The following TTC3 variants were observed in gnomAD, a reference collection of about 807,000 sequenced individuals.
TTC3 encodes the protein tetratricopeptide repeat domain 3, also known as E3 ubiquitin-protein ligase TTC3.
In TTC3, 180 loss-of-function variants were observed where a neutral mutation model predicts 249.6. The ratio of observed to expected loss-of-function variants is 0.72; its 90% CI spans 0.64 to 0.82. The LOEUF is 0.82. Ranked by LOEUF, TTC3 falls within the 40% of genes least tolerant of loss-of-function variation. The probability of loss-of-function intolerance (pLI) is 0.00; values close to 1 mark genes in which losing one functional copy is unlikely to be tolerated. For missense variants in TTC3, 2,061 were observed against 2,398.4 expected (o/e 0.86, Z 2.94); for synonymous variants, 717 against 805.0 (o/e 0.89, Z 1.85).
chr21:37,171,496 T>C (rs1157609978), intron 34 of TTC3, among the ~76,000 whole-genome samples: 1 of 152,170 alleles, frequency 6.6e-6, no homozygotes, highest in African/African-American at 2.4e-5. Flanking sequence ...AGAGGTGGCA[T>C]TTAGCTTCCT....
Position 37,165,541 on chromosome 21 carries a change from T to G in TTC3, c.3336-9T>G, listed in dbSNP as rs760257290. ...ATAGTAACTCATGTAAATGTAAATT[T>G]TTTCCAAGTTACTTCTCTCAGTTTT... On this transcript the variant is annotated splice_polypyrimidine_tract_variant and intron_variant, in intron 32 of 45. Coordinates refer to ENST00000355666, the Ensembl canonical transcript of TTC3. The G allele has an allele frequency of 2.5e-6, 4 of 1,572,158 alleles. No individual in the cohort carries two copies. The highest frequency in any genetic ancestry group is 3.4e-6 in the Non-Finnish European group (4 of 1,161,488).
chr21:37,084,128 A>G (rs1182368237), intron 1 of TTC3: 1 of 152,218 alleles, frequency 6.6e-6, no homozygotes, highest in Admixed American at 6.5e-5. Flanking sequence ...GTGTTAAGTC[A>G]TGGGTGTGGT....
Position 37,122,992 on chromosome 21 carries a change from C to G in TTC3, c.1073C>G (p.Ala358Gly), listed in dbSNP as rs747271319. 4 of 1,613,764 alleles carry G rather than the reference C, an allele frequency of 2.5e-6. No homozygotes were observed. In the African/African-American group the frequency reaches 5.3e-5, roughly 22 times the overall value. Reference sequence around the variant, plus strand: ...GTGATGACTTTTATAGGTCGAACAGCAAATAAGGATCCAATTAAAGCCTTT... The same window carrying G: ...GTGATGACTTTTATAGGTCGAACAGGAAATAAGGATCCAATTAAAGCCTTT... Residue 358 changes from alanine to glycine, a missense_variant, in exon 13 of 46, where the codon GCA becomes GGA. Ala to Gly is a moderately conservative substitution (Grantham distance 60). This residue lies in a region of TTC3 where 989 missense variants were observed against 1,145.1 expected (regional missense o/e 0.86). Transcript: ENST00000355666.
At chr21:37,166,256 A>T (rs760820044) in exon 33 of TTC3, 80 of 1,614,092 alleles carry the variant, frequency 5.0e-5, no homozygotes, top group Non-Finnish European at 6.1e-5. Context: ...GTACACCAGC[A>T]TATATACACC....
At chr21:37,119,566 C>T (rs1212100457) in intron 11 of TTC3, among the ~76,000 whole-genome samples, 3 of 152,138 alleles carry the variant, frequency 2.0e-5, no homozygotes. Context: ...TGCCTTGGTC[C>T]TCTGTACTCC....
chr21:37,105,958 G>A (rs151191850), intron 10 of TTC3, among the ~76,000 whole-genome samples: 55 of 152,276 alleles, frequency 3.6e-4, no homozygotes, highest in Non-Finnish European at 2.4e-4. Flanking sequence ...TATAATTAAG[G>A]AGTGGAATTG....
intron 4 of TTC3, among the ~76,000 whole-genome samples, 200 bp downstream of exon 4, chr21:37,088,546 T>TAC (rs2072822937): frequency 6.6e-6 from 1 of 152,230 alleles, no homozygotes; most frequent in Non-Finnish European, 1.5e-5. Context: ...TTCTGAATAG[T>TAC]ACTAGATGGT....
exon 41 of TTC3, chr21:37,192,172 A>G (rs1243833649): frequency 3.1e-6 from 5 of 1,610,782 alleles, no homozygotes; most frequent in Admixed American, 1.7e-5. Flanking sequence ...TGAACTTTCT[A>G]AAGTGCAGAT....
chr21:37,135,662 A>AC, intron 18 of TTC3, 148 bp downstream of exon 18: 2 of 891,224 alleles, frequency 2.2e-6, no homozygotes, highest in African/African-American at 1.7e-5. Context: ...GGAAGCAGGT[A>AC]CTGCTCCAAT....
chr21:37,114,949 G>T (rs548067528), intron 11 of TTC3, among the ~76,000 whole-genome samples: 2 of 151,924 alleles, frequency 1.3e-5, no homozygotes, highest in Non-Finnish European at 2.9e-5. Context: ...ACCAAACACC[G>T]CATGTTCTCA....
At chr21:37,166,157 A>G (rs770279759) in exon 33 of TTC3, 1 of 1,614,076 alleles carries the variant, frequency 6.2e-7, no homozygotes, top group East Asian at 2.2e-5. Context: ...CCATTTGGTC[A>G]CAGGATACTG....
chr21:37,194,135 C>A (rs554039177), intron 41 of TTC3, among the ~76,000 whole-genome samples: 1 of 152,336 alleles, frequency 6.6e-6, no homozygotes, highest in African/African-American at 2.4e-5. Flanking sequence ...TTAGACACTT[C>A]TAGCTTCATT....
chr21:37,166,205 A>T (rs2081240645), exon 33 of TTC3: 1 of 1,614,166 alleles, frequency 6.2e-7, no homozygotes, highest in Non-Finnish European at 8.5e-7. Context: ...TATCACCCAG[A>T]CACCGCCAGC....
At position 37,115,943 on chromosome 21, in the gene TTC3, G is replaced by A. The variant is rs142108939; in HGVS notation, c.901-5874G>A. On this transcript the variant is annotated intron_variant, in intron 11 of 45. Coordinates refer to ENST00000355666, the Ensembl canonical transcript of TTC3. ...AAATGCCAAACACCTCACTTCCTAC[G>A]CATTTCTTATCTTCTTTCCTTGCTT... 1.5e-3 allele frequency among the ~76,000 whole-genome samples: 232 copies of A among 152,208 alleles called. 2 individuals are homozygous for A. Among genetic ancestry groups the A allele is most frequent in the African/African-American group, 4.9e-3 (205 of 41,522 alleles).
At position 37,201,644 on chromosome 21, in the gene TTC3, TA is replaced by T. The variant is rs1016445601; in HGVS notation, c.*76del. On this transcript the variant is annotated 3_prime_UTR_variant, in exon 46 of 46. Coordinates refer to ENST00000355666, the Ensembl canonical transcript of TTC3. ...GAATGACAATTTTCTACCACTGGTGTAAAAAACAAACATTTGAAGACCCTTG... is the reference window on the plus strand; with the variant it reads ...GAATGACAATTTTCTACCACTGGTGTAAAAACAAACATTTGAAGACCCTTG... 2.6e-6 allele frequency: 4 copies of T among 1,561,276 alleles called. No individual in the cohort carries two copies. In the African/African-American group the frequency reaches 5.5e-5, roughly 22 times the overall value.
Position 37,103,285 on chromosome 21 carries a change from A to G in TTC3, c.846-5107A>G, listed in dbSNP as rs142505690. 6.0e-3 allele frequency among the ~76,000 whole-genome samples: 910 copies of G among 152,286 alleles called. 8 individuals are homozygous for G. The highest frequency in any genetic ancestry group is 0.02 in the African/African-American group (829 of 41,562). The stretch of plus-strand genomic sequence containing the variant: ...AAACACTTCCCTATGTAAGAGCAAT[A>G]AGTTGGAGCACCTGGACTAGAACTC... On this transcript the variant is annotated intron_variant, in intron 10 of 45. Coordinates refer to ENST00000355666, the Ensembl canonical transcript of TTC3.
chr21:37,103,433 G>C (rs1476790022), intron 10 of TTC3, among the ~76,000 whole-genome samples: 7 of 152,124 alleles, frequency 4.6e-5, no homozygotes, highest in Admixed American at 4.6e-4. Context: ...GCTACCAAAA[G>C]TCAAACCTGA....
chr21:37,152,834 TA>T, intron 26 of TTC3, 116 bp from the exon 27 acceptor site: 1 of 855,464 alleles, frequency 1.2e-6, no homozygotes, highest in Non-Finnish European at 1.7e-6. Context: ...TTGAGTTTAG[TA>T]AAACAGTATA....
At chr21:37,128,905 G>T (rs2077248474) in intron 15 of TTC3, 98 bp from the exon 16 acceptor site, 1 of 926,962 alleles carries the variant, frequency 1.1e-6, no homozygotes. Context: ...TTCTGCTTCT[G>T]TTTTCTTACT....
Sources: allele counts gnomAD v4.1 joint callset (sites outside exome capture counted in the v4.1 genomes callset), GRCh38; gene constraint gnomAD v4.1.1; regional missense constraint gnomAD v4.1.1; transcripts MANE v1.5; gene names NCBI Gene and HGNC (gene_info 2026-07-23, HGNC 2026-07-21).